The following RUNDC3B variants were observed in gnomAD, a reference collection of about 807,000 sequenced individuals.
RUNDC3B encodes the protein RUN domain-containing protein 3B.
Under a neutral mutation model 58.4 loss-of-function variants are expected in RUNDC3B, and 33 were observed. The ratio of observed to expected loss-of-function variants is 0.56; its 90% CI spans 0.43 to 0.75. The LOEUF (loss-of-function observed/expected upper bound fraction) is 0.75. Among genes scored for constraint, RUNDC3B ranks in the 30% least tolerant of loss-of-function variants. The probability of loss-of-function intolerance (pLI) is 0.00; values close to 1 mark genes in which losing one functional copy is unlikely to be tolerated. For missense variants in RUNDC3B, 501 were observed against 535.7 expected, an observed-to-expected ratio of 0.94 and a Z score of 0.64; for synonymous variants, 193 against 195.2, an observed-to-expected ratio of 0.99 and a Z score of 0.10.
chr7:87,642,021 T>A (rs1822510102), intron 1 of RUNDC3B, among the ~76,000 whole-genome samples: 1 of 152,000 alleles, frequency 6.6e-6, no homozygotes, highest in African/African-American at 2.4e-5. Flanking sequence ...ATATTTAATT[T>A]ATACGTGGAC....
chr7:87,824,728 A>G (rs920912322), intron 10 of RUNDC3B, among the ~76,000 whole-genome samples: 1 of 152,194 alleles, frequency 6.6e-6, no homozygotes, highest in Non-Finnish European at 1.5e-5. Context: ...GATATGGACA[A>G]TGAAATCCAG....
chr7:87,738,846 G>A lies in RUNDC3B; in HGVS notation c.459-945G>A, dbSNP rs1055805721. 3.3e-5 allele frequency among the ~76,000 whole-genome samples: 5 copies of A among 151,854 alleles called. 1 individual carries two copies. The highest frequency in any genetic ancestry group is 1.3e-4 in the Admixed American group (2 of 15,250). On this transcript the variant is annotated intron_variant, in intron 4 of 10. Transcript: ENST00000394654. ...TTCAAAATTGATGGTAGGATTATGA[G>A]CATATTGAAATTTTTTGCAGAATTT...
intron 6 of RUNDC3B, among the ~76,000 whole-genome samples, chr7:87,742,888 C>T (rs1258496699): frequency 7.9e-5 from 12 of 151,940 alleles, no homozygotes; most frequent in East Asian, 5.8e-4. Flanking sequence ...CCGAGGTGGG[C>T]GGATCACGAG....
At chr7:87,785,061 T>C (rs1242235125) in intron 8 of RUNDC3B, among the ~76,000 whole-genome samples, 1 of 152,008 alleles carries the variant, frequency 6.6e-6, no homozygotes, top group African/African-American at 2.4e-5. Flanking sequence ...AGGCAGTGTG[T>C]TGGTGCCACG....
At chr7:87,766,657 T>A (rs188661697) in intron 6 of RUNDC3B, among the ~76,000 whole-genome samples, 2 of 152,244 alleles carry the variant, frequency 1.3e-5, no homozygotes, top group African/African-American at 4.8e-5. Context: ...CTTTTATTTC[T>A]TTTCCTTTAG....
chr7:87,809,608 T>C (rs966698204), intron 9 of RUNDC3B, among the ~76,000 whole-genome samples: 7 of 152,338 alleles, frequency 4.6e-5, no homozygotes, highest in African/African-American at 1.7e-4. Context: ...CTTATGTTTC[T>C]ACTCTAATGT....
At chr7:87,822,278 C>A (rs1261358451) in intron 10 of RUNDC3B, among the ~76,000 whole-genome samples, 5 of 152,172 alleles carry the variant, frequency 3.3e-5, no homozygotes, top group Non-Finnish European at 5.9e-5. Flanking sequence ...CCAAAAAACA[C>A]ATGAAAAAAT....
intron 2 of RUNDC3B, among the ~76,000 whole-genome samples, chr7:87,652,073 CTATAT>C (rs551604733): frequency 9.9e-4 from 150 of 152,002 alleles, no homozygotes; most frequent in African/African-American, 3.5e-3. Context: ...TTATTAGATA[CTATAT>C]TGTGTGATGA....
intron 2 of RUNDC3B, among the ~76,000 whole-genome samples, chr7:87,686,942 T>C (rs1827523440): frequency 1.4e-5 from 2 of 139,510 alleles, no homozygotes; most frequent in Admixed American, 7.4e-5. Context: ...GGAGACTCTA[T>C]CTCCAAAAGA....
At chr7:87,759,793 C>CA (rs543619186) in intron 6 of RUNDC3B, among the ~76,000 whole-genome samples, 1,565 of 125,492 alleles carry the variant, frequency 0.012, 17 homozygotes, top group East Asian at 0.055. Context: ...GATCCTGTAT[C>CA]AAAAAAAAAA....
chr7:87,709,326 A>G (rs373138837), intron 3 of RUNDC3B: 8 of 985,194 alleles, frequency 8.1e-6, no homozygotes, highest in Non-Finnish European at 8.4e-6. Flanking sequence ...AGACACCGCT[A>G]CTAGTTTCTG....
chr7:87,788,703 C>CTTTTTTTTTTTTTTTTTTTT (rs5885597), intron 8 of RUNDC3B, among the ~76,000 whole-genome samples: 9 of 128,292 alleles, frequency 7.0e-5, no homozygotes, highest in Non-Finnish European at 8.4e-5. Flanking sequence ...CTTTTCAAAA[C>CTTTTTTTTTTTTTTTTTTTT]TTTTTTTTTT....
chr7:87,726,064 T>G (rs1341230607), intron 4 of RUNDC3B, among the ~76,000 whole-genome samples: 4 of 127,954 alleles, frequency 3.1e-5, no homozygotes, highest in African/African-American at 9.1e-5. Flanking sequence ...TGATGATAGT[T>G]TCTTTTGCTG....
intron 6 of RUNDC3B, among the ~76,000 whole-genome samples, chr7:87,763,481 A>G (rs537929922): frequency 7.4e-4 from 112 of 151,742 alleles, no homozygotes; most frequent in African/African-American, 2.5e-3. Flanking sequence ...AGTTTTCTGA[A>G]AATATGCTTA....
intron 3 of RUNDC3B, among the ~76,000 whole-genome samples, chr7:87,701,547 A>G (rs1386206531): frequency 6.6e-6 from 1 of 152,230 alleles, no homozygotes; most frequent in Admixed American, 6.5e-5. Flanking sequence ...AAAATCATGT[A>G]TGGGTAAAAA....
intron 8 of RUNDC3B, among the ~76,000 whole-genome samples, chr7:87,803,348 G>T (rs1270517015): frequency 6.6e-6 from 1 of 152,112 alleles, no homozygotes; most frequent in Non-Finnish European, 1.5e-5. Flanking sequence ...ACAGTATTTT[G>T]AATTTACATA....
intron 7 of RUNDC3B, among the ~76,000 whole-genome samples, chr7:87,771,042 G>A (rs1442860834): frequency 1.3e-5 from 2 of 152,116 alleles, no homozygotes; most frequent in African/African-American, 2.4e-5. Context: ...AAAGATGATT[G>A]GTTTGTGAAA....
intron 6 of RUNDC3B, among the ~76,000 whole-genome samples, chr7:87,753,892 A>G (rs1584109710): frequency 1.3e-5 from 2 of 152,212 alleles, no homozygotes; most frequent in South Asian, 2.1e-4. Context: ...GGTAGCGACT[A>G]TCTGGGGCTG....
chr7:87,664,996 A>G (rs960784539), intron 2 of RUNDC3B, among the ~76,000 whole-genome samples: 5 of 152,166 alleles, frequency 3.3e-5, no homozygotes, highest in African/African-American at 1.2e-4. Context: ...AGTAAGCATC[A>G]TATTCAGTGG....
Sources: gnomAD v4.1 joint callset for allele counts (sites outside exome capture counted in the v4.1 genomes callset) on GRCh38, gnomAD v4.1.1 for gene constraint, MANE v1.5 for transcripts, NCBI Gene and HGNC (gene_info 2026-07-23, HGNC 2026-07-21) for gene names.